ATP2B1: variants seen among roughly 807,000 people sequenced by gnomAD.
The protein encoded by ATP2B1 is plasma membrane calcium-transporting ATPase 1.
A neutral mutation model predicts 124.2 loss-of-function variants in ATP2B1; 14 were observed. The ratio of observed to expected loss-of-function variants is 0.11; its 90% CI spans 0.07 to 0.18. The LOEUF is 0.18. Among genes scored for constraint, ATP2B1 ranks in the 10% least tolerant of loss-of-function variants. The pLI, the probability that ATP2B1 is intolerant of heterozygous loss-of-function variation, is 1.00. For synonymous variants in ATP2B1, 449 were observed against 492.4 expected (o/e 0.91, Z 1.17); for missense variants, 763 against 1,466.1 (o/e 0.52, Z 7.83).
At position 89,603,632 on chromosome 12, in the gene ATP2B1, T is replaced by C. The variant is rs542040771; in HGVS notation, c.2848+80A>G. 690 of 1,441,290 alleles carry C rather than the reference T, an allele frequency of 4.8e-4. No homozygotes were observed. The highest frequency in any genetic ancestry group is 9.5e-4 in the Admixed American group (51 of 53,798). The allele number at this position is 1,441,290 out of a possible 1,614,324, so 89.3% of individuals were successfully genotyped here. A position where few individuals can be genotyped will look rare whatever the true frequency, so the allele number is the denominator to read the frequency against. On this transcript the variant is annotated intron_variant, in intron 17 of 20. Coordinates refer to ENST00000428670, the MANE Select transcript of ATP2B1 (RefSeq NM_001366521.1). This position sits in a 1 kb window ranked among gnomAD's most constrained non-coding sequence, Gnocchi z 4.3. ...GAGTAGAATTTAGGCTCTTGAAAAT[T>C]TGTAACATTATAACATCTTGGATGA...
In ATP2B1 at chr12:89,603,999, G is replaced by T; in HGVS notation, c.2635-74C>A. On this transcript the variant is annotated intron_variant, in intron 16 of 20. Coordinates refer to ENST00000428670, the MANE Select transcript of ATP2B1 (RefSeq NM_001366521.1). The surrounding 1 kb of genome is among the most constrained non-coding windows in gnomAD (Gnocchi z 4.3). ...CAGCAATTCTCAGGAAACCTTTAGG[G>T]TTTAAAAACTTGAGAAACAGAACAG... 2 of 1,488,886 alleles carry T rather than the reference G, an allele frequency of 1.3e-6. No homozygotes were observed. Among genetic ancestry groups the T allele is most frequent in the South Asian group, 1.3e-5 (1 of 79,662 alleles). 92.2% of individuals were successfully genotyped at this position (1,488,886 alleles called of 1,614,324 possible). A position where few individuals can be genotyped will look rare whatever the true frequency, so the allele number is the denominator to read the frequency against.
intron 2 of ATP2B1, among the ~76,000 whole-genome samples, chr12:89,646,789 G>A (rs1455374228): frequency 1.3e-5 from 2 of 152,154 alleles, no homozygotes. Context: ...CCAGTGGGCA[G>A]AAATAAATCA....
intron 1 of ATP2B1, among the ~76,000 whole-genome samples, chr12:89,697,730 G>A (rs1255892971): frequency 8.4e-5 from 8 of 95,722 alleles, no homozygotes; most frequent in Admixed American, 1.4e-4. Context: ...CACCCCCACC[G>A]TTTTTTCAAA....
In ATP2B1 at chr12:89,629,309, T is replaced by TA. The variant is rs371609527; in HGVS notation, c.928+1195dup. On this transcript the variant is annotated intron_variant, in intron 6 of 20. Transcript: ENST00000428670. ...CCGTAAGCCTCAGTTTACTTATCAG[T>TA]AAAAAAATAATAAGTCTTTACTTTG... Among the ~76,000 whole-genome samples the TA allele has an allele frequency of 2.1e-3, 324 of 152,202 alleles. 1 individual carries two copies. Among genetic ancestry groups the TA allele is most frequent in the African/African-American group, 7.5e-3 (313 of 41,530 alleles).
At chr12:89,611,531 T>C (rs1878020910) in intron 12 of ATP2B1, 159 bp from the exon 13 acceptor site, 2 of 563,852 alleles carry the variant, frequency 3.5e-6, no homozygotes, top group Non-Finnish European at 5.4e-6. Context: ...ACTCAACATT[T>C]CTTGCACTAT....
chr12:89,602,716 G>A (rs1195548863), intron 18 of ATP2B1, among the ~76,000 whole-genome samples: 1 of 151,742 alleles, frequency 6.6e-6, no homozygotes, highest in South Asian at 2.1e-4. Context: ...CTTTTTTTTG[G>A]TATAATGTGG....
intron 10 of ATP2B1, 50 bp from the exon 11 acceptor site, chr12:89,620,290 T>A (rs758388017): frequency 6.3e-7 from 1 of 1,587,868 alleles, no homozygotes; most frequent in Non-Finnish European, 8.6e-7. Flanking sequence ...TCTAAGAACG[T>A]TTAATTTATA....
At chr12:89,693,232 T>C (rs1890739845) in intron 1 of ATP2B1, among the ~76,000 whole-genome samples, 1 of 152,132 alleles carries the variant, frequency 6.6e-6, no homozygotes, top group Admixed American at 6.5e-5. Flanking sequence ...TATTTTGTAA[T>C]ATTTAGGCAA....
intron 5 of ATP2B1, among the ~76,000 whole-genome samples, chr12:89,633,633 CT>C (rs1342402989): frequency 6.6e-6 from 1 of 151,946 alleles, no homozygotes; most frequent in Non-Finnish European, 1.5e-5. Context: ...CAATAAGCTT[CT>C]TTTGGCATGC....
chr12:89,671,170 T>C (rs1887930463), intron 1 of ATP2B1, among the ~76,000 whole-genome samples: 1 of 152,114 alleles, frequency 6.6e-6, no homozygotes, highest in South Asian at 2.1e-4. Context: ...ACATTCAAAA[T>C]GGGCAACCTA....
chr12:89,658,639 G>GAGAGAGAGAGAT (rs1565882720), intron 1 of ATP2B1, among the ~76,000 whole-genome samples: 5 of 150,660 alleles, frequency 3.3e-5, no homozygotes, highest in African/African-American at 1.2e-4. Context: ...GAGAGAGAGA[G>GAGAGAGAGAGAT]AGAGAGAGAT....
intron 1 of ATP2B1, among the ~76,000 whole-genome samples, chr12:89,707,716 G>C (rs1313508181): frequency 6.6e-6 from 1 of 152,130 alleles, no homozygotes; most frequent in Non-Finnish European, 1.5e-5. Context: ...AGCACTCCCA[G>C]CGCTGCGAGT....
chr12:89,619,617 A>AT (rs1305600814), intron 11 of ATP2B1, among the ~76,000 whole-genome samples: 148 of 113,700 alleles, frequency 1.3e-3, no homozygotes, highest in Non-Finnish European at 2.3e-3. Flanking sequence ...CCTTAAACAA[A>AT]TAAAAAAAAA....
chr12:89,704,417 C>A (rs1892205987), intron 1 of ATP2B1, among the ~76,000 whole-genome samples: 1 of 151,954 alleles, frequency 6.6e-6, no homozygotes, highest in Admixed American at 6.6e-5. Flanking sequence ...CCCAAACAAA[C>A]CCATTCATAT....
At position 89,668,123 on chromosome 12, in the gene ATP2B1, A is replaced by C. The variant is rs149317449; in HGVS notation, c.-221-12016T>G. Among the ~76,000 whole-genome samples, 881 of 152,242 alleles carry C rather than the reference A, an allele frequency of 5.8e-3. 6 individuals carry two copies. The highest frequency in any genetic ancestry group is 0.01 in the Non-Finnish European group (700 of 68,012). The stretch of plus-strand genomic sequence containing the variant: ...TAGTTTAATATAGCTGAACACAGGA[A>C]AACAAGAAGGCAACACAGAAAAAAG... On this transcript the variant is annotated intron_variant, in intron 1 of 20. Transcript: ENST00000428670.
chr12:89,618,671 T>C (rs767454351), intron 11 of ATP2B1, among the ~76,000 whole-genome samples: 1 of 152,228 alleles, frequency 6.6e-6, no homozygotes, highest in Non-Finnish European at 1.5e-5. Flanking sequence ...ATGACCTGCA[T>C]ATTCTCATCT....
chr12:89,675,435 C>T (rs537046994), intron 1 of ATP2B1, among the ~76,000 whole-genome samples: 2 of 152,092 alleles, frequency 1.3e-5, no homozygotes, highest in African/African-American at 2.4e-5. Flanking sequence ...ATTCTGAAAG[C>T]AGAATTACTG....
Position 89,609,193 on chromosome 12 carries a change from A to G in ATP2B1, c.2442+744T>C, listed in dbSNP as rs367881164. 7.8e-4 allele frequency among the ~76,000 whole-genome samples: 119 copies of G among 152,290 alleles called. 2 individuals are homozygous for G. The highest frequency in any genetic ancestry group is 2.7e-3 in the African/African-American group (113 of 41,566). ...GAAAGATAATGAGACACATAACCTT[A>G]TATCTCAATTTTCCCAAAAGAGCTT... On this transcript the variant is annotated intron_variant, in intron 15 of 20. Transcript: ENST00000428670.
At chr12:89,698,847 G>A (rs1467291157) in intron 1 of ATP2B1, among the ~76,000 whole-genome samples, 2 of 152,120 alleles carry the variant, frequency 1.3e-5, no homozygotes, top group Non-Finnish European at 1.5e-5. Flanking sequence ...CTGAAAGCTG[G>A]GTGAGGGAAG....
Sources: gnomAD v4.1 joint callset for allele counts (sites outside exome capture counted in the v4.1 genomes callset) on GRCh38, gnomAD v4.1.1 for gene constraint, Gnocchi (gnomAD v3.1) non-coding constraint, MANE v1.5 for transcripts, NCBI Gene and HGNC (gene_info 2026-07-23, HGNC 2026-07-21) for gene names.